Variants in MGAT5 observed in about 807,000 individuals in gnomAD.
MGAT5 encodes alpha-1,6-mannosylglycoprotein 6-beta-N-acetylglucosaminyltransferase, also known as alpha-1,6-mannosylglycoprotein 6-beta-N-acetylglucosaminyltransferase A.
A neutral mutation model predicts 94.3 loss-of-function variants in MGAT5; 30 were observed. The ratio of observed to expected loss-of-function variants is 0.32; its 90% CI spans 0.24 to 0.43. The LOEUF (loss-of-function observed/expected upper bound fraction) is 0.43, where lower values mean the gene tolerates loss of function less well. MGAT5 is among the 20% of genes least tolerant of loss of function. The pLI, the probability that MGAT5 is intolerant of heterozygous loss-of-function variation, is 1.00. For synonymous variants in MGAT5, 310 were observed against 322.9 expected (o/e 0.96, Z 0.43); for missense variants, 691 against 905.5 (o/e 0.76, Z 3.04).
At chr2:134,364,324 AC>A (rs1336420615) in intron 10 of MGAT5, among the ~76,000 whole-genome samples, 1 of 152,142 alleles carries the variant, frequency 6.6e-6, no homozygotes, top group African/African-American at 2.4e-5. Context: ...ACATGGTGAA[AC>A]CCTGTCTGTA....
intron 14 of MGAT5, among the ~76,000 whole-genome samples, chr2:134,434,381 C>T (rs753159246): frequency 2.0e-5 from 3 of 152,168 alleles, no homozygotes; most frequent in Non-Finnish European, 2.9e-5. Context: ...ATGGAAATTT[C>T]AGGATAGTCA....
chr2:134,392,177 G>C (rs1310452979), intron 10 of MGAT5, among the ~76,000 whole-genome samples: 3 of 152,128 alleles, frequency 2.0e-5, no homozygotes, highest in Non-Finnish European at 4.4e-5. Flanking sequence ...AATTGTTCCT[G>C]TTTTCAAACT....
At chr2:134,285,609 G>A (rs914298340) in intron 2 of MGAT5, among the ~76,000 whole-genome samples, 2 of 152,150 alleles carry the variant, frequency 1.3e-5, no homozygotes, top group Non-Finnish European at 2.9e-5. Context: ...TAACCAGTCT[G>A]TCTTCTGCTA....
rs1558735090 is a variant in MGAT5, at chr2:134,254,609, T to G, written c.206T>G (p.Val69Gly). 1 of 1,614,156 alleles carries G rather than the reference T, an allele frequency of 6.2e-7. No individual in the cohort carries two copies. The highest frequency in any genetic ancestry group is 1.1e-5 in the South Asian group (1 of 91,084). Residue 69 changes from valine (V) to glycine (G), a missense_variant, in exon 1 of 16, where the codon GTG becomes GGG. Val to Gly is a moderately radical substitution (Grantham distance 109, BLOSUM62 -3). Transcript: ENST00000281923. ...CTGGCAGAAGAAAACAGGAATGTGG[T>G]GGATGGGCCATACGCTGGAGTCATG... The part of the protein sequence containing the change: ...KALAEENRNV[V>G]DGPYAGVMTA...
chr2:134,247,365 A>AC (rs936617762), intron 1 of MGAT5, among the ~76,000 whole-genome samples: 5 of 148,298 alleles, frequency 3.4e-5, no homozygotes, highest in Non-Finnish European at 7.4e-5. Flanking sequence ...GAATTAAAAA[A>AC]AAAAAAAAAC....
At chr2:134,445,058 TCTTA>T (rs1685696417) in intron 15 of MGAT5, among the ~76,000 whole-genome samples, 2 of 152,136 alleles carry the variant, frequency 1.3e-5, no homozygotes, top group South Asian at 2.1e-4. Context: ...TTTTGCTACC[TCTTA>T]AAGTTGTTTC....
intron 2 of MGAT5, among the ~76,000 whole-genome samples, chr2:134,285,748 A>C (rs1573704366): frequency 6.6e-6 from 1 of 151,932 alleles, no homozygotes; most frequent in East Asian, 1.9e-4. Context: ...CTTATCTTGC[A>C]TTTTTTTGAG....
rs570322741 is a variant in MGAT5, at chr2:134,191,719, G to A, written c.-142-62543G>A. 6.7e-5 allele frequency among the ~76,000 whole-genome samples: 10 copies of A among 149,560 alleles called. No homozygotes were observed. The South Asian group carries it at 2.1e-3, about 32-fold the overall frequency. ...GGCGTGAGCGGGTTCCTGATGGGAG[G>A]GTGGGTTCGCGCCCTCCTCCTCCTC... On this transcript the variant is annotated intron_variant, in intron 1 of 16. Coordinates refer to the MGAT5 transcript ENST00000409645.
chr2:134,260,796 C>T (rs1450521505), intron 1 of MGAT5, among the ~76,000 whole-genome samples: 1 of 149,988 alleles, frequency 6.7e-6, no homozygotes, highest in Non-Finnish European at 1.5e-5. Context: ...GAGGGAAATA[C>T]ACTGTTCTTG....
intron 1 of MGAT5, among the ~76,000 whole-genome samples, chr2:134,141,727 G>A (rs953094069): frequency 2.6e-5 from 4 of 152,208 alleles, no homozygotes; most frequent in African/African-American, 9.7e-5. Context: ...TGGAAGAATG[G>A]GATGGGAAAG....
intron 4 of MGAT5, among the ~76,000 whole-genome samples, chr2:134,335,002 A>G (rs78901508): frequency 0.017 from 2,564 of 152,256 alleles, 69 homozygotes; most frequent in African/African-American, 0.049. Context: ...CCCTCTCCCC[A>G]AGCTTTGCTT....
At chr2:134,258,384 G>A (rs1173889662) in intron 1 of MGAT5, among the ~76,000 whole-genome samples, 1 of 152,234 alleles carries the variant, frequency 6.6e-6, no homozygotes, top group African/African-American at 2.4e-5. Context: ...CTAAGGCAGA[G>A]TCAGCAAACC....
At chr2:134,207,465 A>G (rs1432682275) in intron 1 of MGAT5, among the ~76,000 whole-genome samples, 1 of 152,104 alleles carries the variant, frequency 6.6e-6, no homozygotes, top group East Asian at 1.9e-4. Flanking sequence ...GTTACCATGC[A>G]TGGGTATCTT....
chr2:134,220,447 G>T (rs1680703397), intron 1 of MGAT5, among the ~76,000 whole-genome samples: 1 of 152,148 alleles, frequency 6.6e-6, no homozygotes, highest in Non-Finnish European at 1.5e-5. Context: ...AATAATAGTT[G>T]TTGGGGTTGG....
intron 1 of MGAT5, among the ~76,000 whole-genome samples, chr2:134,231,588 T>G (rs1681365734): frequency 6.6e-6 from 1 of 152,208 alleles, no homozygotes. Context: ...TTAAAGAGAT[T>G]ATGGCAAAGT....
chr2:134,158,060 G>A (rs894249805), intron 1 of MGAT5, among the ~76,000 whole-genome samples: 2 of 152,228 alleles, frequency 1.3e-5, no homozygotes, highest in Non-Finnish European at 2.9e-5. Context: ...TCAGAAGGAA[G>A]GAAGCGTGTG....
At chr2:134,420,188 T>C (rs1684217491) in intron 12 of MGAT5, among the ~76,000 whole-genome samples, 1 of 152,178 alleles carries the variant, frequency 6.6e-6, no homozygotes, top group Non-Finnish European at 1.5e-5. Context: ...TGTAATCGCC[T>C]CTCAGTCTCA....
intron 6 of MGAT5, among the ~76,000 whole-genome samples, chr2:134,339,907 T>C (rs527572811): frequency 6.6e-6 from 1 of 152,298 alleles, no homozygotes; most frequent in African/African-American, 2.4e-5. Flanking sequence ...AAAAACATCT[T>C]AAAACCATTT....
chr2:134,256,948 G>A (rs1267679649), intron 1 of MGAT5, among the ~76,000 whole-genome samples: 1 of 152,084 alleles, frequency 6.6e-6, no homozygotes, highest in Non-Finnish European at 1.5e-5. Context: ...GTACTGGGGG[G>A]TTATCACATG....
Sources: allele counts gnomAD v4.1 joint callset (sites outside exome capture counted in the v4.1 genomes callset), GRCh38; gene constraint gnomAD v4.1.1; transcripts MANE v1.5; gene names NCBI Gene and HGNC (gene_info 2026-07-23, HGNC 2026-07-21).